DTNB: variants seen among roughly 807,000 people sequenced by gnomAD.
DTNB encodes the protein dystrobrevin beta, also known as DTN-B.
Under a neutral mutation model 90.7 loss-of-function variants are expected in DTNB, and 63 were observed. The observed-to-expected ratio is 0.69, with a 90% CI of 0.57 to 0.86. DTNB has a LOEUF of 0.86. Among genes scored for constraint, DTNB ranks in the 40% least tolerant of loss-of-function variants. The pLI, the probability that DTNB is intolerant of heterozygous loss-of-function variation, is 0.00. For missense variants in DTNB, 744 were observed against 807.1 expected (o/e 0.92, Z 0.95); for synonymous variants, 277 against 286.7 (o/e 0.97, Z 0.34).
rs779194683 is a variant in DTNB, at chr2:25,580,845, C to G, written c.604-19G>C. On this transcript the variant is annotated intron_variant, in intron 6 of 20. Transcript: ENST00000406818. ...TCTTTCTCTGTAAAGAGAAGAAAAA[C>G]AAACATACTTTAAGTTTTTTAGGAA... 9 of 1,593,288 alleles carry G rather than the reference C, an allele frequency of 5.6e-6. No homozygotes were observed. The highest frequency in any genetic ancestry group is 7.7e-6 in the Non-Finnish European group (9 of 1,169,236).
At chr2:25,546,527 T>G (rs1244202421) in intron 8 of DTNB, among the ~76,000 whole-genome samples, 1 of 152,212 alleles carries the variant, frequency 6.6e-6, no homozygotes, top group Non-Finnish European at 1.5e-5. Flanking sequence ...GAAATATTAG[T>G]TCCACTTACC....
At position 25,395,594 on chromosome 2, in the gene DTNB, ATCTC is replaced by A. The variant is rs1485316452; in HGVS notation, c.1576-7237_1576-7234del. On this transcript the variant is annotated intron_variant, in intron 16 of 20. Transcript: ENST00000406818. ...TATGTATATTTAAATATTTACATAC[ATCTC>A]TCTAACCACATCAGCATCAGTTTCT... 6.0e-5 allele frequency among the ~76,000 whole-genome samples: 9 copies of A among 150,584 alleles called. No homozygotes were observed. The South Asian group carries it at 6.3e-4, about 10-fold the overall frequency.
intron 19 of DTNB, among the ~76,000 whole-genome samples, chr2:25,381,361 C>A (rs1045219210): frequency 6.6e-6 from 1 of 152,156 alleles, no homozygotes; most frequent in Admixed American, 6.6e-5. Context: ...GTCTGAAACA[C>A]TACTGCTCTC....
chr2:25,587,769 T>C (rs189231198), intron 6 of DTNB, among the ~76,000 whole-genome samples: 7 of 152,364 alleles, frequency 4.6e-5, no homozygotes, highest in African/African-American at 1.4e-4. Context: ...CTCTACAATT[T>C]TGTTCAATCT....
chr2:25,663,178 C>T (rs2083624720), intron 1 of DTNB, among the ~76,000 whole-genome samples: 1 of 152,078 alleles, frequency 6.6e-6, no homozygotes, highest in Non-Finnish European at 1.5e-5. Flanking sequence ...TTTTCTGTTC[C>T]TGTGTTGGTC....
chr2:25,427,718 C>T (rs2052318380), intron 14 of DTNB, 87 bp from the exon 15 acceptor site: 2 of 1,272,814 alleles, frequency 1.6e-6, no homozygotes, highest in Non-Finnish European at 2.2e-6. Context: ...CCTGATCCTG[C>T]TACTTACCAG....
intron 9 of DTNB, among the ~76,000 whole-genome samples, chr2:25,490,534 T>A (rs536055092): frequency 1.3e-5 from 2 of 152,078 alleles, no homozygotes; most frequent in Non-Finnish European, 2.9e-5. Context: ...TAATTAGAAA[T>A]GCACAAAGAG....
At chr2:25,526,897 A>C (rs1207212183) in intron 9 of DTNB, among the ~76,000 whole-genome samples, 1 of 152,232 alleles carries the variant, frequency 6.6e-6, no homozygotes, top group Non-Finnish European at 1.5e-5. Flanking sequence ...TATCATAGTA[A>C]TGATGTTAAT....
At chr2:25,504,453 A>AAAGG (rs369074636) in intron 9 of DTNB, among the ~76,000 whole-genome samples, 23 of 149,514 alleles carry the variant, frequency 1.5e-4, no homozygotes, top group East Asian at 5.9e-4. Context: ...AGAAGGAAAG[A>AAAGG]AAGGAAGGAA....
chr2:25,596,344 G>GT, intron 5 of DTNB, 104 bp from the exon 6 acceptor site: 2 of 1,277,496 alleles, frequency 1.6e-6, no homozygotes, highest in Non-Finnish European at 2.1e-6. Context: ...CATTAAAAAA[G>GT]TATCATAAAA....
intron 9 of DTNB, among the ~76,000 whole-genome samples, chr2:25,486,675 G>A (rs2066247799): frequency 6.6e-6 from 1 of 151,430 alleles, no homozygotes; most frequent in Non-Finnish European, 1.5e-5. Flanking sequence ...ATGACTTCTG[G>A]CTCAAACAAA....
chr2:25,531,740 C>A, intron 8 of DTNB, 143 bp from the exon 9 acceptor site: 1 of 1,192,410 alleles, frequency 8.4e-7, no homozygotes, highest in Non-Finnish European at 1.1e-6. Flanking sequence ...ATCATTGGGC[C>A]TTTCAGAAAG....
At chr2:25,587,706 T>G (rs1487875382) in intron 6 of DTNB, among the ~76,000 whole-genome samples, 1 of 152,204 alleles carries the variant, frequency 6.6e-6, no homozygotes, top group Non-Finnish European at 1.5e-5. Flanking sequence ...ATTCATTTAG[T>G]AAGACACTCT....
chr2:25,555,302 AAAAAAAAC>A (rs1572521060), intron 8 of DTNB, among the ~76,000 whole-genome samples: 1 of 151,726 alleles, frequency 6.6e-6, no homozygotes, highest in African/African-American at 2.4e-5. Context: ...AAAAAAAAAA[AAAAAAAAC>A]AAAAAGGTCT....
At position 25,660,700 on chromosome 2, in the gene DTNB, C is replaced by T. The variant is rs190842800; in HGVS notation, c.-1-8039G>A. On this transcript the variant is annotated intron_variant, in intron 1 of 20. Coordinates refer to ENST00000406818, the MANE Select transcript of DTNB (RefSeq NM_021907.5). Reference sequence around the variant, plus strand: ...TCACCCTGTTGTTCATTTTTTTTAACGCTGTATAATTCCAAAACTGCATTT... The same window carrying T: ...TCACCCTGTTGTTCATTTTTTTTAATGCTGTATAATTCCAAAACTGCATTT... Among the ~76,000 whole-genome samples, 934 of 151,900 alleles carry T rather than the reference C, an allele frequency of 6.1e-3. 7 individuals are homozygous for T. The highest frequency in any genetic ancestry group is 9.5e-3 in the Non-Finnish European group (645 of 67,940).
chr2:25,455,580 C>A, intron 10 of DTNB, 86 bp from the exon 11 acceptor site: 6 of 1,153,724 alleles, frequency 5.2e-6, no homozygotes, highest in South Asian at 3.0e-5. Context: ...GAGCAAACTT[C>A]AAAGAAAAAT....
At chr2:25,514,699 T>A (rs2074693794) in intron 9 of DTNB, among the ~76,000 whole-genome samples, 1 of 148,140 alleles carries the variant, frequency 6.8e-6, no homozygotes, top group Non-Finnish European at 1.5e-5. Flanking sequence ...TTTTTTTTTT[T>A]TTTGGTGGGG....
intron 9 of DTNB, among the ~76,000 whole-genome samples, chr2:25,531,147 G>T (rs2078091698): frequency 6.6e-6 from 1 of 152,136 alleles, no homozygotes; most frequent in Non-Finnish European, 1.5e-5. Context: ...TAGAGAAAAA[G>T]ATCTCTGCCA....
At chr2:25,658,327 T>C (rs1182085573) in intron 1 of DTNB, among the ~76,000 whole-genome samples, 4 of 151,704 alleles carry the variant, frequency 2.6e-5, no homozygotes, top group African/African-American at 7.3e-5. Context: ...TCATTGCTGA[T>C]GGGAATGCAC....
Sources: allele counts gnomAD v4.1 joint callset (sites outside exome capture counted in the v4.1 genomes callset), GRCh38; gene constraint gnomAD v4.1.1; transcripts MANE v1.5; gene names NCBI Gene and HGNC (gene_info 2026-07-23, HGNC 2026-07-21).